COL14A1: variants seen among roughly 807,000 people sequenced by gnomAD.
COL14A1 encodes the protein collagen alpha-1(XIV) chain.
Under a neutral mutation model 230.3 loss-of-function variants are expected in COL14A1, and 136 were observed. The observed-to-expected ratio is 0.59, with a 90% CI of 0.51 to 0.68. The LOEUF (loss-of-function observed/expected upper bound fraction) is 0.68, where lower values mean the gene tolerates loss of function less well. COL14A1 is among the 30% of genes least tolerant of loss of function. The pLI is 0.00. For missense variants in COL14A1, 1,976 were observed against 2,215.8 expected, an observed-to-expected ratio of 0.89 and a Z score of 2.17; for synonymous variants, 792 against 784.1, an observed-to-expected ratio of 1.01 and a Z score of -0.17.
At chr8:120,133,469 G>A (rs1814611628) in intron 1 of COL14A1, among the ~76,000 whole-genome samples, 1 of 152,060 alleles carries the variant, frequency 6.6e-6, no homozygotes, top group African/African-American at 2.4e-5. Flanking sequence ...AAATTTTACA[G>A]GTAAGTTTAG....
intron 3 of COL14A1, among the ~76,000 whole-genome samples, chr8:120,159,878 G>A (rs1815603761): frequency 6.6e-6 from 1 of 152,028 alleles, no homozygotes; most frequent in Non-Finnish European, 1.5e-5. Context: ...GTTTAGTAGA[G>A]ATGGGATTTC....
intron 19 of COL14A1, among the ~76,000 whole-genome samples, chr8:120,239,024 G>T (rs140527817): frequency 6.6e-6 from 1 of 152,308 alleles, no homozygotes; most frequent in East Asian, 1.9e-4. Flanking sequence ...GTCTCACTGG[G>T]AGCTGCAGAC....
chr8:120,236,042 G>A (rs1179768483), intron 19 of COL14A1, among the ~76,000 whole-genome samples: 1 of 152,138 alleles, frequency 6.6e-6, no homozygotes, highest in African/African-American at 2.4e-5. Context: ...CAATTGTGTG[G>A]TGAATTTTAG....
chr8:120,340,296 C>T (rs760449226), intron 42 of COL14A1, among the ~76,000 whole-genome samples: 13 of 152,136 alleles, frequency 8.5e-5, no homozygotes, highest in Non-Finnish European at 1.8e-4. Context: ...GTGATAGAAA[C>T]ACTTACACCT....
chr8:120,220,431 G>A lies in COL14A1; in HGVS notation c.1737+3941G>A, dbSNP rs1237012131. ...TGGGACTATAGGCACGCACCACCAC[G>A]CCCAGCTAATTTTTGTATTTTTAGT... On this transcript the variant is annotated intron_variant, in intron 14 of 47. Transcript: ENST00000297848. Among the ~76,000 whole-genome samples the A allele has an allele frequency of 5.9e-5, 9 of 151,732 alleles. No homozygotes were observed. In the South Asian group the frequency reaches 1.5e-3, roughly 25 times the overall value.
At chr8:120,150,741 G>A (rs942132409) in intron 2 of COL14A1, among the ~76,000 whole-genome samples, 2 of 152,120 alleles carry the variant, frequency 1.3e-5, no homozygotes, top group African/African-American at 2.4e-5. Flanking sequence ...TGGAGCTTAA[G>A]GTGTCTGTGG....
intron 3 of COL14A1, among the ~76,000 whole-genome samples, chr8:120,159,516 C>A (rs1328177659): frequency 6.6e-6 from 1 of 151,806 alleles, no homozygotes; most frequent in East Asian, 1.9e-4. Context: ...GAGCTACAAG[C>A]CTTTCAGTGG....
At chr8:120,233,994 T>C (rs764629912) in intron 19 of COL14A1, among the ~76,000 whole-genome samples, 11 of 152,240 alleles carry the variant, frequency 7.2e-5, no homozygotes, top group Non-Finnish European at 1.0e-4. Flanking sequence ...CTTATTTCCT[T>C]GAGCAGTGGT....
intron 1 of COL14A1, among the ~76,000 whole-genome samples, chr8:120,128,278 A>C: frequency 6.6e-6 from 1 of 150,840 alleles, no homozygotes; most frequent in Admixed American, 6.6e-5. Flanking sequence ...ATGTTGGCAT[A>C]TTTTTTGAGT....
chr8:120,245,275 A>G, intron 20 of COL14A1, among the ~76,000 whole-genome samples: 1 of 152,014 alleles, frequency 6.6e-6, no homozygotes, highest in East Asian at 1.9e-4. Flanking sequence ...TTATTCATGT[A>G]TTTGCTCACT....
intron 5 of COL14A1, among the ~76,000 whole-genome samples, chr8:120,193,061 C>A (rs1013193214): frequency 1.3e-5 from 2 of 152,200 alleles, no homozygotes; most frequent in African/African-American, 4.8e-5. Context: ...AAGTCATTCT[C>A]CGTCCAGCTT....
At chr8:120,340,423 G>T (rs546196679) in intron 42 of COL14A1, among the ~76,000 whole-genome samples, 21 of 152,318 alleles carry the variant, frequency 1.4e-4, no homozygotes, top group African/African-American at 4.6e-4. Context: ...ACTGACTACA[G>T]ATTTTGAAGA....
chr8:120,165,158 G>A (rs573497020), intron 4 of COL14A1, among the ~76,000 whole-genome samples: 2 of 152,310 alleles, frequency 1.3e-5, no homozygotes, highest in African/African-American at 4.8e-5. Context: ...AATGAAAATT[G>A]CTTGGATAGC....
rs570545913 is a variant in COL14A1, at chr8:120,291,486, G to C, written c.4236+1720G>C. ...GAGGCAGGAGAATTGCTTGACCCCA[G>C]GAGGCGGATGTTACAGTGAACCAAG... is the stretch of plus-strand genomic sequence containing the variant. On this transcript the variant is annotated intron_variant, in intron 34 of 47. Transcript: ENST00000297848. Among the ~76,000 whole-genome samples the C allele has an allele frequency of 2.0e-5, 3 of 149,444 alleles. No homozygotes were observed. In the East Asian group the frequency reaches 5.9e-4, roughly 29 times the overall value.
At chr8:120,316,619 T>G (rs1409142474) in intron 40 of COL14A1, among the ~76,000 whole-genome samples, 2 of 152,110 alleles carry the variant, frequency 1.3e-5, no homozygotes, top group Non-Finnish European at 2.9e-5. Context: ...TTACATGCTA[T>G]CATGGGAGCA....
At chr8:120,144,994 A>T (rs2130451388) in intron 1 of COL14A1, among the ~76,000 whole-genome samples, 1 of 152,330 alleles carries the variant, frequency 6.6e-6, no homozygotes, top group East Asian at 1.9e-4. Flanking sequence ...GGCAAAAAAC[A>T]AACTGGAAAA....
chr8:120,271,046 A>G (rs867925026), intron 26 of COL14A1, among the ~76,000 whole-genome samples: 3 of 151,846 alleles, frequency 2.0e-5, no homozygotes, highest in South Asian at 4.1e-4. Context: ...TGCAACAATA[A>G]AAAAGAATGA....
intron 19 of COL14A1, among the ~76,000 whole-genome samples, chr8:120,233,057 A>T (rs1000123336): frequency 6.6e-6 from 1 of 152,198 alleles, no homozygotes; most frequent in African/African-American, 2.4e-5. Context: ...GGCTGCATAA[A>T]TGTATTCTTT....
intron 1 of COL14A1, among the ~76,000 whole-genome samples, chr8:120,131,888 C>G (rs1199078074): frequency 8.1e-6 from 1 of 122,726 alleles, no homozygotes; most frequent in Non-Finnish European, 1.6e-5. Flanking sequence ...GCTCTGTCAC[C>G]AAGGCTGGAG....
Sources: gnomAD v4.1 joint callset for allele counts (sites outside exome capture counted in the v4.1 genomes callset) on GRCh38, gnomAD v4.1.1 for gene constraint, MANE v1.5 for transcripts, NCBI Gene and HGNC (gene_info 2026-07-23, HGNC 2026-07-21) for gene names.